Variants in ADAM10 observed in about 807,000 individuals in gnomAD.
ADAM10 encodes ADAM metallopeptidase domain 10, also known as disintegrin and metalloproteinase domain-containing protein 10.
Under a neutral mutation model 90.1 loss-of-function variants are expected in ADAM10, and 17 were observed. That is an observed-to-expected ratio of 0.19 (90% confidence interval 0.13 to 0.28). The LOEUF (loss-of-function observed/expected upper bound fraction) is 0.28, where lower values mean the gene tolerates loss of function less well. Ranked by LOEUF, ADAM10 falls within the 10% of genes least tolerant of loss-of-function variation. The probability of loss-of-function intolerance (pLI) is 1.00; values close to 1 mark genes in which losing one functional copy is unlikely to be tolerated. For synonymous variants in ADAM10, 310 were observed against 298.6 expected (o/e 1.04, Z -0.40); for missense variants, 610 against 914.3 (o/e 0.67, Z 4.29).
chr15:58,724,168 C>T (rs1323693100), intron 1 of ADAM10, among the ~76,000 whole-genome samples: 15 of 150,532 alleles, frequency 1.0e-4, no homozygotes, highest in Admixed American at 3.3e-4. Flanking sequence ...CAGAGCAAGA[C>T]TCCGTCTCAA....
At position 58,726,567 on chromosome 15, in the gene ADAM10, C is replaced by CAAAAAAAAAA. The variant is rs71116593; in HGVS notation, c.56-8850_56-8841dup. On this transcript the variant is annotated intron_variant, in intron 1 of 15. Coordinates refer to ENST00000260408, the MANE Select transcript of ADAM10 (RefSeq NM_001110.4). Reference sequence around the variant, plus strand: ...GCGACAGAGCGAGACCTCAGTCTCCCAAAAAAAAAAAAAAAAAAAAAAAAA... The same window carrying CAAAAAAAAAA: ...GCGACAGAGCGAGACCTCAGTCTCCCAAAAAAAAAAAAAAAAAAAAAAAAAAAAAAAAAAA... 1.9e-3 allele frequency among the ~76,000 whole-genome samples: 40 copies of CAAAAAAAAAA among 20,774 alleles called. 4 individuals are homozygous for CAAAAAAAAAA. The highest frequency in any genetic ancestry group is 8.9e-3 in the Admixed American group (8 of 894). 13.6% of individuals were successfully genotyped at this position (20,774 alleles called of 152,430 possible). A position where few individuals can be genotyped will look rare whatever the true frequency, so the allele number is the denominator to read the frequency against.
At chr15:58,732,564 C>G (rs1433907142) in intron 1 of ADAM10, 1 of 152,084 alleles carries the variant, frequency 6.6e-6, no homozygotes, top group Non-Finnish European at 1.5e-5. Flanking sequence ...AAAAATTAGC[C>G]AGGCATGGTG....
At chr15:58,680,237 C>T (rs1361956220) in intron 3 of ADAM10, among the ~76,000 whole-genome samples, 1 of 151,986 alleles carries the variant, frequency 6.6e-6, no homozygotes, top group Non-Finnish European at 1.5e-5. Context: ...CTCCTCCCAC[C>T]TCCGCCTCCC....
intron 4 of ADAM10, among the ~76,000 whole-genome samples, chr15:58,667,801 C>T (rs1485826802): frequency 2.0e-5 from 3 of 150,804 alleles, no homozygotes; most frequent in African/African-American, 7.3e-5. Flanking sequence ...AGTTTGGAGA[C>T]AGGAAAGAAC....
intron 9 of ADAM10, 100 bp downstream of exon 9, chr15:58,633,096 C>G (rs1896147023): frequency 8.6e-7 from 1 of 1,160,294 alleles, no homozygotes. Context: ...ACTAAACACT[C>G]GTAAGTACAT....
intron 14 of ADAM10, among the ~76,000 whole-genome samples, chr15:58,603,932 TA>T (rs1361415742): frequency 1.6e-5 from 2 of 125,388 alleles, no homozygotes; most frequent in Non-Finnish European, 1.8e-5. Context: ...CTTTGTCAAC[TA>T]AAAAAAGAAT....
chr15:58,615,551 A>G (rs1462807493), intron 11 of ADAM10, among the ~76,000 whole-genome samples: 1 of 152,130 alleles, frequency 6.6e-6, no homozygotes, highest in Non-Finnish European at 1.5e-5. Context: ...TCCCAAACAC[A>G]TGACACATCC....
At chr15:58,667,592 T>C (rs538927308) in intron 4 of ADAM10, among the ~76,000 whole-genome samples, 1 of 152,220 alleles carries the variant, frequency 6.6e-6, no homozygotes, top group Non-Finnish European at 1.5e-5. Flanking sequence ...TAATTGAATT[T>C]AAAATAGAAT....
chr15:58,691,438 T>A, intron 2 of ADAM10: 1 of 666,256 alleles, frequency 1.5e-6, no homozygotes, highest in Non-Finnish European at 2.9e-6. Context: ...CACTCACCAA[T>A]GATGTCACAG....
chr15:58,693,233 AG>A, intron 2 of ADAM10: 6 of 602,066 alleles, frequency 1.0e-5, no homozygotes, highest in Non-Finnish European at 1.9e-5. Context: ...CTAGAGAGCA[AG>A]GTGGGCTGAG....
chr15:58,628,558 G>C (rs1896014232), intron 9 of ADAM10, among the ~76,000 whole-genome samples: 1 of 152,154 alleles, frequency 6.6e-6, no homozygotes, highest in African/African-American at 2.4e-5. Context: ...TTATTGAAGA[G>C]TCAGATACAT....
At chr15:58,742,338 C>T (rs1899641215) in intron 1 of ADAM10, among the ~76,000 whole-genome samples, 1 of 152,198 alleles carries the variant, frequency 6.6e-6, no homozygotes, top group Non-Finnish European at 1.5e-5. Context: ...AGGAGAGCTC[C>T]TTAAAACTTA....
At chr15:58,617,960 C>T (rs1333354443) in intron 11 of ADAM10, among the ~76,000 whole-genome samples, 1 of 150,402 alleles carries the variant, frequency 6.6e-6, no homozygotes, top group African/African-American at 2.4e-5. Context: ...TGAAAACGGC[C>T]ATACTACCAA....
In ADAM10 at chr15:58,591,502, A is replaced by T. The variant is rs1388160807; in HGVS notation, c.*6045T>A. The T allele has an allele frequency of 1.3e-5, 2 of 152,026 alleles. No individual in the cohort carries two copies. Among genetic ancestry groups the T allele is most frequent in the Non-Finnish European group, 2.9e-5 (2 of 68,002 alleles). 9.4% of individuals were successfully genotyped at this position (152,026 alleles called of 1,614,324 possible). On this transcript the variant is annotated 3_prime_UTR_variant, in exon 16 of 16. Coordinates refer to ENST00000260408, the MANE Select transcript of ADAM10 (RefSeq NM_001110.4). ...GGTCTCTAACTCCTGAGCTCAAGTG[A>T]TCCTCCCACCTTGGCCTCCCAAAGT...
chr15:58,693,748 T>C (rs1421305130), intron 2 of ADAM10, among the ~76,000 whole-genome samples: 4 of 133,162 alleles, frequency 3.0e-5, no homozygotes, highest in African/African-American at 9.4e-5. Flanking sequence ...AAACTTCCGC[T>C]GAGAAATAGC....
chr15:58,657,285 CT>C (rs1258166446), intron 5 of ADAM10, among the ~76,000 whole-genome samples: 1 of 152,150 alleles, frequency 6.6e-6, no homozygotes, highest in Non-Finnish European at 1.5e-5. Flanking sequence ...CTTTTTACCC[CT>C]ATCTCTTTCT....
chr15:58,667,139 C>G (rs1283408355), intron 4 of ADAM10, among the ~76,000 whole-genome samples: 1 of 152,114 alleles, frequency 6.6e-6, no homozygotes, highest in Non-Finnish European at 1.5e-5. Context: ...TATTCTTTCA[C>G]AAACAATGAG....
intron 1 of ADAM10, among the ~76,000 whole-genome samples, chr15:58,743,643 C>G (rs574637787): frequency 6.6e-6 from 1 of 150,840 alleles, no homozygotes; most frequent in Non-Finnish European, 1.5e-5. Flanking sequence ...TCACTCTTGT[C>G]GCCCAGGCTA....
intron 9 of ADAM10, among the ~76,000 whole-genome samples, chr15:58,632,306 A>AT (rs1896125665): frequency 6.6e-6 from 1 of 152,204 alleles, no homozygotes; most frequent in African/African-American, 2.4e-5. Flanking sequence ...GAAAATGTCT[A>AT]TTTTTTCAGG....
Sources: gnomAD v4.1 joint callset for allele counts (sites outside exome capture counted in the v4.1 genomes callset) on GRCh38, gnomAD v4.1.1 for gene constraint, MANE v1.5 for transcripts, NCBI Gene and HGNC (gene_info 2026-07-23, HGNC 2026-07-21) for gene names.